The following COMMD10 variants were observed in gnomAD, a reference collection of about 807,000 sequenced individuals.
COMMD10 encodes COMM domain-containing protein 10.
COMMD10 carries 33 observed loss-of-function variants against 28.9 expected under a neutral mutation model. The ratio of observed to expected loss-of-function variants is 1.14; its 90% CI spans 0.87 to 1.53. COMMD10 has a LOEUF of 1.53. COMMD10 is among the 40% of genes most tolerant of loss of function. The pLI is 0.00. For missense variants in COMMD10, 310 were observed against 233.4 expected (o/e 1.33, Z -2.14); for synonymous variants, 110 against 81.7 (o/e 1.35, Z -1.87).
At chr5:116,102,020 C>T (rs1294257243) in intron 4 of COMMD10, among the ~76,000 whole-genome samples, 1 of 152,044 alleles carries the variant, frequency 6.6e-6, no homozygotes, top group Non-Finnish European at 1.5e-5. Flanking sequence ...TTTCTATGTA[C>T]TATGTTGATT....
At chr5:116,176,264 A>G (rs1753507930) in intron 5 of COMMD10, among the ~76,000 whole-genome samples, 1 of 152,164 alleles carries the variant, frequency 6.6e-6, no homozygotes, top group Admixed American at 6.5e-5. Flanking sequence ...GGCATGTGCC[A>G]CCACGCCTAG....
chr5:116,118,079 T>C (rs894756887), intron 4 of COMMD10, among the ~76,000 whole-genome samples: 1 of 152,200 alleles, frequency 6.6e-6, no homozygotes, highest in African/African-American at 2.4e-5. Flanking sequence ...TAACATCCTC[T>C]ATCTGGCTTA....
intron 4 of COMMD10, among the ~76,000 whole-genome samples, chr5:116,107,256 A>G (rs1224484370): frequency 6.6e-6 from 1 of 152,056 alleles, no homozygotes; most frequent in Non-Finnish European, 1.5e-5. Context: ...CTCCTGGATA[A>G]TACCCTGAAG....
chr5:116,291,543 C>T lies in COMMD10; in HGVS notation c.537C>T (p.Phe179=). 2 of 1,601,922 alleles carry T rather than the reference C, an allele frequency of 1.2e-6. No individual in the cohort carries two copies. Among genetic ancestry groups the T allele is most frequent in the Non-Finnish European group, 1.7e-6 (2 of 1,173,300 alleles). The stretch of plus-strand genomic sequence containing the variant: ...GCCTGGAGAAAGTTCTTGTGGAATT[C>T]AGTCACAAGGAGTTGTTTGATTTCT... ...SKSLEKVLVE[F]SHKELFDFYN... Residue 179 remains phenylalanine (F), a synonymous_variant, in exon 6 of 7, where the codon TTC becomes TTT. Transcript: ENST00000274458.
In COMMD10 at chr5:116,292,452, T is replaced by C; in HGVS notation, c.572T>C (p.Leu191Pro). The C allele has an allele frequency of 1.3e-6, 2 of 1,542,824 alleles. No individual in the cohort carries two copies. The highest frequency in any genetic ancestry group is 1.7e-6 in the Non-Finnish European group (2 of 1,143,986). ...TTTTTTTTTTGTCTTTGTAAATAGC[T>C]AGAGACTATACAAGCACAGCTGGAT... is the stretch of plus-strand genomic sequence containing the variant. ...HKELFDFYNK[L>P]ETIQAQLDSL... Residue 191 changes from leucine (L) to proline (P), a missense_variant and splice_region_variant, in exon 7 of 7, where the codon CTA becomes CCA. Leu to Pro is a moderately conservative substitution (Grantham distance 98). Transcript: ENST00000274458.
chr5:116,235,265 T>G (rs1304110270), intron 5 of COMMD10, among the ~76,000 whole-genome samples: 1 of 151,980 alleles, frequency 6.6e-6, no homozygotes, highest in East Asian at 1.9e-4. Context: ...TTTTTAGGAG[T>G]GTTTTTGGTC....
chr5:116,202,124 A>G (rs1748684599), intron 5 of COMMD10, among the ~76,000 whole-genome samples: 1 of 147,150 alleles, frequency 6.8e-6, no homozygotes, highest in Non-Finnish European at 1.5e-5. Flanking sequence ...CCTATGAATG[A>G]GAACATGCAG....
In COMMD10 at chr5:116,177,828, T is replaced by G. The variant is rs551100286; in HGVS notation, c.510+43650T>G. Among the ~76,000 whole-genome samples, 3 of 152,290 alleles carry G rather than the reference T, an allele frequency of 2.0e-5. No homozygotes were observed. The South Asian group carries it at 6.2e-4, about 32-fold the overall frequency. On this transcript the variant is annotated intron_variant, in intron 5 of 6. Coordinates refer to ENST00000274458, the MANE Select transcript of COMMD10 (RefSeq NM_016144.4). ...GAACATGCTTTCATTTGTATATGTA[T>G]CTCTCATCCCACTTCATACTGAGTT...
chr5:116,227,809 T>C (rs1299810995), intron 5 of COMMD10, among the ~76,000 whole-genome samples: 1 of 151,984 alleles, frequency 6.6e-6, no homozygotes, highest in Non-Finnish European at 1.5e-5. Context: ...AAAAGACAAG[T>C]AGAAGGAATT....
intron 5 of COMMD10, among the ~76,000 whole-genome samples, chr5:116,145,854 G>A (rs1294432167): frequency 5.3e-5 from 8 of 151,758 alleles, no homozygotes; most frequent in Non-Finnish European, 1.2e-4. Flanking sequence ...CTTCCTCTTC[G>A]CCTTCTGCCA....
At chr5:116,133,828 T>C (rs1751937443) in intron 4 of COMMD10, among the ~76,000 whole-genome samples, 1 of 152,226 alleles carries the variant, frequency 6.6e-6, no homozygotes, top group Non-Finnish European at 1.5e-5. Flanking sequence ...TTTTTATTTT[T>C]AGAATAGAGT....
intron 5 of COMMD10, among the ~76,000 whole-genome samples, chr5:116,203,422 C>T (rs546650646): frequency 6.6e-6 from 1 of 151,988 alleles, no homozygotes; most frequent in Non-Finnish European, 1.5e-5. Context: ...AAGAGCAACT[C>T]CGAGACACAT....
chr5:116,204,484 T>A (rs749138003), intron 5 of COMMD10, among the ~76,000 whole-genome samples: 3 of 152,144 alleles, frequency 2.0e-5, no homozygotes, highest in Non-Finnish European at 2.9e-5. Flanking sequence ...TTCTGGTTCC[T>A]GATGGTACTG....
chr5:116,144,062 T>A (rs1478929282), intron 5 of COMMD10, among the ~76,000 whole-genome samples: 1 of 151,816 alleles, frequency 6.6e-6, no homozygotes, highest in Non-Finnish European at 1.5e-5. Context: ...AATATGGAGG[T>A]ACCTGAGATA....
intron 5 of COMMD10, among the ~76,000 whole-genome samples, chr5:116,247,949 C>T (rs1273193028): frequency 6.6e-6 from 1 of 151,378 alleles, no homozygotes; most frequent in Non-Finnish European, 1.5e-5. Flanking sequence ...TGCACATGTA[C>T]CCCTGAACTT....
chr5:116,158,009 A>C (rs1193575429), intron 5 of COMMD10, among the ~76,000 whole-genome samples: 1 of 151,550 alleles, frequency 6.6e-6, no homozygotes, highest in East Asian at 2.0e-4. Flanking sequence ...TGTGCCTCCA[A>C]AGTCTGTGTT....
intron 5 of COMMD10, among the ~76,000 whole-genome samples, chr5:116,234,551 G>A (rs1749613007): frequency 6.6e-6 from 1 of 152,132 alleles, no homozygotes; most frequent in Non-Finnish European, 1.5e-5. Context: ...AATCATGAAT[G>A]ATGTAGACTG....
chr5:116,126,922 G>T (rs947742427), intron 4 of COMMD10, among the ~76,000 whole-genome samples: 3 of 152,008 alleles, frequency 2.0e-5, no homozygotes, highest in Non-Finnish European at 1.5e-5. Context: ...AAAATTGACT[G>T]ATGGGATCTA....
intron 4 of COMMD10, among the ~76,000 whole-genome samples, chr5:116,125,173 T>G (rs530657590): frequency 2.6e-3 from 390 of 152,288 alleles, no homozygotes; most frequent in Non-Finnish European, 4.4e-3. Flanking sequence ...ATCTGGCATG[T>G]TTTTGCAGTG....
Sources: gnomAD v4.1 joint callset for allele counts (sites outside exome capture counted in the v4.1 genomes callset) on GRCh38, gnomAD v4.1.1 for gene constraint, MANE v1.5 for transcripts, NCBI Gene and HGNC (gene_info 2026-07-23, HGNC 2026-07-21) for gene names.